FRZB: variants seen among roughly 807,000 people sequenced by gnomAD.
The protein encoded by FRZB is secreted frizzled-related protein 3.
FRZB carries 34 observed loss-of-function variants against 32.5 expected under a neutral mutation model. That is an observed-to-expected ratio of 1.05 (90% CI 0.80 to 1.39). The LOEUF (loss-of-function observed/expected upper bound fraction) is 1.39, where lower values mean the gene tolerates loss of function less well. Among genes scored for constraint, FRZB ranks in the 40% most tolerant of loss-of-function variants. The pLI is 0.00. For synonymous variants in FRZB, 170 were observed against 159.2 expected (o/e 1.07, Z -0.51); for missense variants, 423 against 424.8 (o/e 1.00, Z 0.04).
chr2:182,865,280 ATAACTCCT>A (rs1397740204), intron 1 of FRZB, among the ~76,000 whole-genome samples: 1 of 152,182 alleles, frequency 6.6e-6, no homozygotes, highest in Non-Finnish European at 1.5e-5. Context: ...CGCCTTAAAT[ATAACTCCT>A]TTCATCTGTA....
intron 2 of FRZB, among the ~76,000 whole-genome samples, chr2:182,844,287 C>CAAA (rs1253383816): frequency 6.6e-6 from 1 of 152,068 alleles, no homozygotes. Context: ...GCTATTTTGA[C>CAAA]AAAAACTATT....
intron 5 of FRZB, among the ~76,000 whole-genome samples, chr2:182,835,416 G>A (rs1695512798): frequency 6.6e-6 from 1 of 151,158 alleles, no homozygotes; most frequent in South Asian, 2.1e-4. Context: ...GATTTGAGCA[G>A]TGAAAAAAAA....
chr2:182,860,864 CAAAA>C (rs796422085), intron 1 of FRZB, among the ~76,000 whole-genome samples: 1 of 69,142 alleles, frequency 1.4e-5, no homozygotes, highest in Admixed American at 1.7e-4. Context: ...GAGACTGTCT[CAAAA>C]AAAAAAAAAA....
At chr2:182,856,392 C>T (rs1695770472) in intron 2 of FRZB, among the ~76,000 whole-genome samples, 1 of 151,212 alleles carries the variant, frequency 6.6e-6, no homozygotes, top group African/African-American at 2.4e-5. Context: ...GAGAGAGATA[C>T]AATCCAAAAG....
At chr2:182,837,668 G>A (rs111438785) in intron 5 of FRZB, among the ~76,000 whole-genome samples, 2 of 152,066 alleles carry the variant, frequency 1.3e-5, no homozygotes, top group African/African-American at 4.8e-5. Context: ...CTGACAACAT[G>A]AAACCACCCT....
chr2:182,849,617 A>G (rs1695688176), intron 2 of FRZB, among the ~76,000 whole-genome samples: 1 of 152,214 alleles, frequency 6.6e-6, no homozygotes, highest in African/African-American at 2.4e-5. Flanking sequence ...AGGCTTTACA[A>G]AGTAAAAGTA....
intron 2 of FRZB, among the ~76,000 whole-genome samples, chr2:182,843,623 A>C (rs1048710929): frequency 6.6e-6 from 1 of 152,222 alleles, no homozygotes; most frequent in Non-Finnish European, 1.5e-5. Flanking sequence ...AGTTTCACTT[A>C]AAAGGCATTT....
At chr2:182,851,154 T>G (rs1695705590) in intron 2 of FRZB, among the ~76,000 whole-genome samples, 1 of 152,268 alleles carries the variant, frequency 6.6e-6, no homozygotes, top group Admixed American at 6.5e-5. Flanking sequence ...TGCAAATATT[T>G]TCCCTCATTC....
intron 1 of FRZB, among the ~76,000 whole-genome samples, chr2:182,859,211 T>G (rs114517107): frequency 0.013 from 2,028 of 152,164 alleles, 53 homozygotes; most frequent in South Asian, 0.094. Context: ...AAACGCATCT[T>G]CAATAAATGG....
intron 2 of FRZB, among the ~76,000 whole-genome samples, chr2:182,849,871 A>G (rs922875045): frequency 2.6e-5 from 4 of 152,216 alleles, no homozygotes; most frequent in Admixed American, 2.6e-4. Context: ...GAGTCAATAC[A>G]ATTATGCTTG....
intron 5 of FRZB, among the ~76,000 whole-genome samples, chr2:182,835,208 C>T (rs951343416): frequency 1.3e-5 from 2 of 152,042 alleles, no homozygotes; most frequent in Non-Finnish European, 2.9e-5. Flanking sequence ...AAACCTTAAA[C>T]TTAAAATGTC....
intron 1 of FRZB, among the ~76,000 whole-genome samples, chr2:182,864,177 G>C (rs950195313): frequency 6.6e-6 from 1 of 152,166 alleles, no homozygotes; most frequent in African/African-American, 2.4e-5. Flanking sequence ...GTAACTCAGG[G>C]ACACTTAATG....
intron 3 of FRZB, among the ~76,000 whole-genome samples, chr2:182,840,656 C>T (rs1695577333): frequency 6.6e-6 from 1 of 151,980 alleles, no homozygotes; most frequent in South Asian, 2.1e-4. Context: ...CTCCCTTCCC[C>T]AAAGAAACTG....
chr2:182,863,911 C>A (rs922507698), intron 1 of FRZB, among the ~76,000 whole-genome samples: 4 of 152,150 alleles, frequency 2.6e-5, no homozygotes, highest in East Asian at 3.9e-4. Flanking sequence ...CACCTCCCCC[C>A]ACCTTTGAGC....
At chr2:182,843,853 C>A (rs1695611345) in intron 2 of FRZB, among the ~76,000 whole-genome samples, 1 of 151,964 alleles carries the variant, frequency 6.6e-6, no homozygotes, top group South Asian at 2.1e-4. Context: ...ATCACTTGAG[C>A]CCTGGAAGTC....
chr2:182,853,836 A>G (rs1414610089), intron 2 of FRZB, among the ~76,000 whole-genome samples: 1 of 152,236 alleles, frequency 6.6e-6, no homozygotes, highest in Non-Finnish European at 1.5e-5. Context: ...GAAATGGAAT[A>G]TATGGTACTC....
intron 2 of FRZB, among the ~76,000 whole-genome samples, chr2:182,852,433 T>C (rs1388695965): frequency 6.6e-6 from 1 of 152,150 alleles, no homozygotes; most frequent in Non-Finnish European, 1.5e-5. Context: ...TAATTTAAGA[T>C]AAATCAGAAG....
intron 2 of FRZB, among the ~76,000 whole-genome samples, chr2:182,851,295 G>A (rs1248208981): frequency 6.6e-6 from 1 of 152,132 alleles, no homozygotes; most frequent in East Asian, 1.9e-4. Context: ...CAGTACTAGG[G>A]ACTTAGAAAA....
intron 2 of FRZB, among the ~76,000 whole-genome samples, chr2:182,848,733 C>A (rs1309768126): frequency 2.0e-5 from 3 of 152,082 alleles, no homozygotes; most frequent in Non-Finnish European, 4.4e-5. Context: ...TACTTTTACA[C>A]AATTAGAAAT....
Sources: allele counts gnomAD v4.1 joint callset (sites outside exome capture counted in the v4.1 genomes callset), GRCh38; gene constraint gnomAD v4.1.1; transcripts MANE v1.5; gene names NCBI Gene and HGNC (gene_info 2026-07-23, HGNC 2026-07-21).